The following ENTREP1 variants were observed in gnomAD, a reference collection of about 807,000 sequenced individuals.
The protein encoded by ENTREP1 is Friedreich ataxia region gene X123.
the ENTREP1 span, among the ~76,000 whole-genome samples, chr9:69,374,414 AAG>A: frequency 6.6e-6 from 1 of 152,070 alleles, no homozygotes; most frequent in South Asian, 2.1e-4. Flanking sequence ...GAGTTTTCCA[AAG>A]TGGTTGGGGA....
the ENTREP1 span, chr9:69,383,565 G>C: frequency 2.1e-5 from 34 of 1,600,226 alleles, no homozygotes; most frequent in Non-Finnish European, 2.8e-5. Flanking sequence ...CAGTATCCGG[G>C]CATCACTGCA....
the ENTREP1 span, chr9:69,383,420 ATTTT>A: frequency 7.1e-7 from 1 of 1,408,720 alleles, no homozygotes; most frequent in South Asian, 1.5e-5. Flanking sequence ...ATGGGGTTGC[ATTTT>A]ATACACTGTC....
the ENTREP1 span, among the ~76,000 whole-genome samples, chr9:69,332,978 G>A: frequency 1.3e-5 from 2 of 152,174 alleles, no homozygotes; most frequent in Non-Finnish European, 2.9e-5. Flanking sequence ...AGTCACTAAA[G>A]TAAAATGAAT....
chr9:69,325,812 C>T, the ENTREP1 span: 3 of 1,208,874 alleles, frequency 2.5e-6, no homozygotes, highest in South Asian at 8.5e-5. Context: ...TTGTTGGCCT[C>T]CAGGGCTGCA....
At chr9:69,368,189 T>C in the ENTREP1 span, among the ~76,000 whole-genome samples, 1 of 152,218 alleles carries the variant, frequency 6.6e-6, no homozygotes, top group African/African-American at 2.4e-5. Context: ...CTTTTATTTC[T>C]TTCTCTTTCC....
At chr9:69,365,445 A>C in the ENTREP1 span, among the ~76,000 whole-genome samples, 2 of 152,212 alleles carry the variant, frequency 1.3e-5, no homozygotes, top group African/African-American at 4.8e-5. Context: ...TAGCAACAAA[A>C]TAATGATCAT....
chr9:69,364,519 T>A, the ENTREP1 span, among the ~76,000 whole-genome samples: 3 of 152,096 alleles, frequency 2.0e-5, no homozygotes, highest in Non-Finnish European at 4.4e-5. Context: ...TGTCGTCAGT[T>A]TAAGGAGGAT....
chr9:69,356,677 G>T, the ENTREP1 span, among the ~76,000 whole-genome samples: 9 of 152,196 alleles, frequency 5.9e-5, no homozygotes, highest in African/African-American at 2.2e-4. Flanking sequence ...ACTTTCTGCT[G>T]CCTTTCTAAT....
chr9:69,371,063 A>G, the ENTREP1 span, among the ~76,000 whole-genome samples: 1 of 152,210 alleles, frequency 6.6e-6, no homozygotes. Flanking sequence ...CCATTTACAT[A>G]CTGTGATTTC....
chr9:69,348,236 C>T, the ENTREP1 span, among the ~76,000 whole-genome samples: 11 of 152,060 alleles, frequency 7.2e-5, no homozygotes, highest in Non-Finnish European at 1.6e-4. Context: ...CACCTCAGGG[C>T]CAAGGAGTTG....
chr9:69,385,675 A>G, the ENTREP1 span: 3 of 1,392,920 alleles, frequency 2.2e-6, no homozygotes, highest in Non-Finnish European at 2.8e-6. Flanking sequence ...TATTAACTGC[A>G]TTACCCTTGC....
At chr9:69,362,144 G>C in the ENTREP1 span, among the ~76,000 whole-genome samples, 1 of 152,082 alleles carries the variant, frequency 6.6e-6, no homozygotes, top group Non-Finnish European at 1.5e-5. Context: ...GGTTTAAGTC[G>C]CATCTTGAGA....
the ENTREP1 span, among the ~76,000 whole-genome samples, chr9:69,354,406 C>T: frequency 5.3e-5 from 8 of 151,920 alleles, no homozygotes; most frequent in Non-Finnish European, 1.0e-4. Context: ...TACAGGTGCC[C>T]ACCACCAGGC....
At chr9:69,336,321 A>AACAGACTTCATACAT in the ENTREP1 span, 1 of 1,129,938 alleles carries the variant, frequency 8.9e-7, no homozygotes, top group Non-Finnish European at 1.3e-6. Context: ...GCTATGTATG[A>AACAGACTTCATACAT]AGTCTGTTCA....
the ENTREP1 span, chr9:69,385,645 C>T: frequency 7.9e-7 from 1 of 1,259,318 alleles, no homozygotes; most frequent in Non-Finnish European, 1.0e-6. Flanking sequence ...ACTTACTGGG[C>T]CAGCAGCCTG....
the ENTREP1 span, among the ~76,000 whole-genome samples, chr9:69,344,653 G>A: frequency 1.3e-5 from 2 of 152,170 alleles, no homozygotes; most frequent in African/African-American, 2.4e-5. Flanking sequence ...CAGCCAGCCT[G>A]TGAGCCCGTG....
chr9:69,388,963 C>T, the ENTREP1 span, among the ~76,000 whole-genome samples: 3 of 152,150 alleles, frequency 2.0e-5, no homozygotes, highest in Admixed American at 1.3e-4. Flanking sequence ...TTAAAAAGTA[C>T]AAGGCAATCC....
At chr9:69,373,610 A>G in the ENTREP1 span, among the ~76,000 whole-genome samples, 2 of 152,040 alleles carry the variant, frequency 1.3e-5, no homozygotes, top group Non-Finnish European at 2.9e-5. Context: ...TTATTTTGTT[A>G]TTGCCTGTTG....
At chr9:69,365,108 C>T in the ENTREP1 span, among the ~76,000 whole-genome samples, 1 of 152,156 alleles carries the variant, frequency 6.6e-6, no homozygotes, top group Non-Finnish European at 1.5e-5. Context: ...GTTTTATATA[C>T]AGTCCTGTTC....
Sources: allele counts gnomAD v4.1 joint callset (sites outside exome capture counted in the v4.1 genomes callset), GRCh38; gene constraint gnomAD v4.1.1; transcripts MANE v1.5; gene names NCBI Gene and HGNC (gene_info 2026-07-23, HGNC 2026-07-21).